Variants in DPAGT1 observed in about 807,000 individuals in gnomAD.
DPAGT1 encodes the protein dolichyl-phosphate N-acetylglucosaminephosphotransferase 1.
A neutral mutation model predicts 39.3 loss-of-function variants in DPAGT1; 25 were observed. That is an observed-to-expected ratio of 0.64 (90% confidence interval 0.46 to 0.89). The LOEUF is 0.89. DPAGT1 is among the 40% of genes least tolerant of loss of function. The probability of loss-of-function intolerance (pLI) is 0.00; values close to 1 mark genes in which losing one functional copy is unlikely to be tolerated. For missense variants in DPAGT1, 381 were observed against 500.6 expected, an observed-to-expected ratio of 0.76 and a Z score of 2.28; for synonymous variants, 193 against 201.4, an observed-to-expected ratio of 0.96 and a Z score of 0.36.
At chr11:119,100,571 C>T (rs1047106996) in intron 3 of DPAGT1, 59 bp downstream of exon 3, 14 of 1,606,516 alleles carry the variant, frequency 8.7e-6, no homozygotes, top group Non-Finnish European at 1.2e-5. Context: ...GAATGTGGAG[C>T]ACCAGGAAGG....
Position 119,097,659 on chromosome 11 carries a change from G to T in DPAGT1, c.918-108C>A. The stretch of plus-strand genomic sequence containing the variant: ...GGAGTCAACCTGAGATCTATTTCTG[G>T]CTCTGCTGCTTACTGTTATCAGAAC... On this transcript the variant is annotated intron_variant, in intron 6 of 8. Transcript: ENST00000354202. The surrounding 1 kb of genome is among the most constrained non-coding windows in gnomAD (Gnocchi z 4.6). The T allele has an allele frequency of 6.9e-7, 1 of 1,452,302 alleles. No homozygotes were observed. The highest frequency in any genetic ancestry group is 9.6e-7 in the Non-Finnish European group (1 of 1,036,326). 90.0% of individuals were successfully genotyped at this position (1,452,302 alleles called of 1,614,324 possible).
chr11:119,101,318 C>T (rs1946501556), intron 1 of DPAGT1, 177 bp downstream of exon 1: 2 of 1,392,622 alleles, frequency 1.4e-6, no homozygotes, highest in Non-Finnish European at 2.0e-6. Context: ...ACCCAAGGGT[C>T]CCTACCCATC....
downstream of DPAGT1, chr11:119,095,155 G>T: frequency 1.9e-6 from 3 of 1,614,042 alleles, no homozygotes; most frequent in Middle Eastern, 1.7e-4. Flanking sequence ...GGTGGCGGGG[G>T]ATGATTCGCG....
chr11:119,097,702 C>T lies in DPAGT1; in HGVS notation c.918-151G>A. 7.0e-7 allele frequency: 1 copy of T among 1,421,706 alleles called. No individual in the cohort carries two copies. The highest frequency in any genetic ancestry group is 9.9e-7 in the Non-Finnish European group (1 of 1,011,082). 88.1% of individuals were successfully genotyped at this position (1,421,706 alleles called of 1,614,324 possible). On this transcript the variant is annotated intron_variant, in intron 6 of 8. Transcript: ENST00000354202. The surrounding 1 kb of genome is among the most constrained non-coding windows in gnomAD (Gnocchi z 4.6). ...ATCAGAACCACTGTAGCAGATTATG[C>T]AAATAAATGTGCTTTGTAAGTTATA...
At position 119,101,679 on chromosome 11, in the gene DPAGT1, C is replaced by T; in HGVS notation, c.-24G>A. Reference sequence around the variant, plus strand: ...ATGGTGACCGGTCAGGGGCCCGGCTCCGCCGCCTCTTCAGGTAACGGGCAA... The same window carrying T: ...ATGGTGACCGGTCAGGGGCCCGGCTTCGCCGCCTCTTCAGGTAACGGGCAA... On this transcript the variant is annotated 5_prime_UTR_variant, in exon 1 of 9. Coordinates refer to ENST00000354202, the MANE Select transcript of DPAGT1 (RefSeq NM_001382.4). 2 of 1,614,194 alleles carry T rather than the reference C, an allele frequency of 1.2e-6. No individual in the cohort carries two copies. The highest frequency in any genetic ancestry group is 3.3e-4 in the Middle Eastern group (2 of 6,040).
Position 119,097,718 on chromosome 11 carries a change from G to T in DPAGT1, c.917+137C>A, listed in dbSNP as rs888805117. On this transcript the variant is annotated intron_variant, in intron 6 of 8. Coordinates refer to ENST00000354202, the MANE Select transcript of DPAGT1 (RefSeq NM_001382.4). This position sits in a 1 kb window ranked among gnomAD's most constrained non-coding sequence, Gnocchi z 4.6. ...CAGATTATGCAAATAAATGTGCTTT[G>T]TAAGTTATAAAGGGCTACTCACATG... The T allele has an allele frequency of 6.2e-6, 9 of 1,450,378 alleles. No individual in the cohort carries two copies. Among genetic ancestry groups the T allele is most frequent in the African/African-American group, 2.8e-5 (2 of 71,310 alleles). The allele number at this position is 1,450,378 out of a possible 1,614,324, so 89.8% of individuals were successfully genotyped here.
In DPAGT1 at chr11:119,101,726, C is replaced by T. The variant is rs1233764537; in HGVS notation, c.-71G>A. Reference sequence around the variant, plus strand: ...GCAAGCTGAGCAGCAGTCCTGAGGCCTCAGCAGTATGGAGTGGCCGCTCCC... The same window carrying T: ...GCAAGCTGAGCAGCAGTCCTGAGGCTTCAGCAGTATGGAGTGGCCGCTCCC... On this transcript the variant is annotated 5_prime_UTR_variant, in exon 1 of 9. Transcript: ENST00000354202. 1 of 1,610,792 alleles carries T rather than the reference C, an allele frequency of 6.2e-7. No homozygotes were observed. The highest frequency in any genetic ancestry group is 1.7e-5 in the Admixed American group (1 of 59,596).
chr11:119,100,118 T>C (rs1214525057), intron 4 of DPAGT1, 144 bp downstream of exon 4: 3 of 1,317,612 alleles, frequency 2.3e-6, no homozygotes, highest in African/African-American at 2.9e-5. Flanking sequence ...TAAATCTGCA[T>C]TGTTATTTGC....
chr11:119,098,017 T>C lies in DPAGT1; in HGVS notation c.755A>G (p.Asp252Gly), dbSNP rs1345384605. 2 of 1,613,938 alleles carry C rather than the reference T, an allele frequency of 1.2e-6. No individual in the cohort carries two copies. Among genetic ancestry groups the C allele is most frequent in the Non-Finnish European group, 1.7e-6 (2 of 1,180,014 alleles). The change falls in exon 6 of 9, where the codon GAT (aspartate) becomes GGT (glycine). Residue 252 changes from aspartate (D) to glycine (G), a missense_variant. Physicochemically the swap from Asp to Gly is moderately conservative, Grantham distance 94 (BLOSUM62 -1). Transcript: ENST00000354202. ...CATGCCAGCAAAGTAACAGAAGGTA[T>C]CTCCCACAAACACCCGTGATGGGTA... ...NWYPSRVFVGDTFCYFAGMTF... is the reference protein window; with the variant it reads ...NWYPSRVFVGGTFCYFAGMTF...
chr11:119,099,421 CAAAAAAA>C (rs55735634), intron 4 of DPAGT1, among the ~76,000 whole-genome samples: 4 of 113,162 alleles, frequency 3.5e-5, no homozygotes, highest in South Asian at 2.9e-4. Context: ...AACTCCGTCT[CAAAAAAA>C]AAAAAAAAAA....
In DPAGT1 at chr11:119,096,765, A is replaced by G. The variant is rs958209954; in HGVS notation, c.*233T>C. ...CTGCAAAGATGGGATGGAGAGGGAG[A>G]GAGTAGCAAGTTGCAGAAAGCCATA... On this transcript the variant is annotated 3_prime_UTR_variant, in exon 9 of 9. Transcript: ENST00000354202. 2.7e-5 allele frequency: 16 copies of G among 594,858 alleles called. No homozygotes were observed. The highest frequency in any genetic ancestry group is 4.5e-4 in the Middle Eastern group (1 of 2,240). 36.8% of individuals were successfully genotyped at this position (594,858 alleles called of 1,614,324 possible).
In DPAGT1 at chr11:119,101,852, C is replaced by T. The variant is rs1197502974; in HGVS notation, c.-197G>A. On this transcript the variant is annotated 5_prime_UTR_variant, in exon 1 of 9. Transcript: ENST00000354202. The stretch of plus-strand genomic sequence containing the variant: ...GAACCTCTCTAAGGCAACCTATGTT[C>T]TGCCCCGCTGCACCCGCCTATCTAC... The T allele has an allele frequency of 2.8e-6, 4 of 1,447,900 alleles. No individual in the cohort carries two copies. The highest frequency in any genetic ancestry group is 3.6e-6 in the Non-Finnish European group (4 of 1,102,414). The allele number at this position is 1,447,900 out of a possible 1,614,324, so 89.7% of individuals were successfully genotyped here.
Position 119,098,467 on chromosome 11 carries a change from C to T in DPAGT1, c.664G>A (p.Val222Ile). 6.2e-7 allele frequency: 1 copy of T among 1,614,158 alleles called. No homozygotes were observed. Among genetic ancestry groups the T allele is most frequent in the Non-Finnish European group, 8.5e-7 (1 of 1,180,018 alleles). Residue 222 changes from valine to isoleucine, a missense_variant, in exon 5 of 9, where the codon GTC becomes ATC. By Grantham distance (29) the Val-to-Ile change is conservative. Transcript: ENST00000354202. ...ELEGDCRDDH[V>I]FSLYFMIPFF... ...GGTATCATGAAGTAGAGGGAAAAGA[C>T]ATGATCATCCCGACAATCACCTTTG...
intron 1 of DPAGT1, 128 bp from the exon 2 acceptor site, chr11:119,101,266 G>C: frequency 6.3e-6 from 9 of 1,420,650 alleles, no homozygotes; most frequent in Non-Finnish European, 8.7e-6. Context: ...AGTGGTGAGG[G>C]GGGCGGAGGG....
At chr11:119,095,585 G>A (rs1946380074), downstream of DPAGT1, 3 of 589,042 alleles carry the variant, frequency 5.1e-6, no homozygotes, top group South Asian at 5.9e-5. Context: ...CTTGGGTGTC[G>A]CGGCTCGGCT....
chr11:119,099,559 C>G (rs1199562772), intron 4 of DPAGT1, among the ~76,000 whole-genome samples: 1 of 151,800 alleles, frequency 6.6e-6, no homozygotes, highest in African/African-American at 2.4e-5. Context: ...TTTGGGAGGC[C>G]TGGCAGATCA....
At chr11:119,095,480 G>C (rs985422288), downstream of DPAGT1, 22 of 1,393,540 alleles carry the variant, frequency 1.6e-5, no homozygotes, top group Admixed American at 8.6e-5. Flanking sequence ...CGCGCGCGCC[G>C]CGAGGCCGCC....
downstream of DPAGT1, chr11:119,096,403 G>C (rs1305693752): frequency 6.0e-6 from 1 of 166,338 alleles, no homozygotes. Flanking sequence ...TTGTTAGACG[G>C]GGTCTGATGG....
chr11:119,095,437 G>GA, downstream of DPAGT1: 1 of 1,458,546 alleles, frequency 6.9e-7, no homozygotes, highest in Non-Finnish European at 9.0e-7. Context: ...TCAAACACTA[G>GA]AACAGACGCC....
Sources: allele counts gnomAD v4.1 joint callset (sites outside exome capture counted in the v4.1 genomes callset), GRCh38; gene constraint gnomAD v4.1.1; non-coding constraint Gnocchi (gnomAD v3.1); transcripts MANE v1.5; gene names NCBI Gene and HGNC (gene_info 2026-07-23, HGNC 2026-07-21).